SDR16C5: variants seen among roughly 807,000 people sequenced by gnomAD.
SDR16C5 encodes the protein epidermal retinol dehydrogenase 2.
SDR16C5 carries 20 observed loss-of-function variants against 27.7 expected under a neutral mutation model. The observed-to-expected ratio is 0.72, with a 90% confidence interval of 0.51 to 1.05. The LOEUF (loss-of-function observed/expected upper bound fraction) is 1.05, where lower values mean the gene tolerates loss of function less well. SDR16C5 is among the 50% of genes least tolerant of loss of function. SDR16C5 has a pLI of 0.00. For synonymous variants in SDR16C5, 139 were observed against 132.3 expected (o/e 1.05, Z -0.35); for missense variants, 374 against 366.3 (o/e 1.02, Z -0.17).
chr8:56,307,202 A>G (rs1814908330), intron 4 of SDR16C5, among the ~76,000 whole-genome samples: 1 of 152,168 alleles, frequency 6.6e-6, no homozygotes, highest in Non-Finnish European at 1.5e-5. Context: ...GAAATAAAAC[A>G]CTAAGTGATA....
intron 3 of SDR16C5, chr8:56,309,519 C>CAGAA (rs1814971273): frequency 1.0e-6 from 1 of 985,028 alleles, no homozygotes; most frequent in South Asian, 4.7e-5. Flanking sequence ...TTTCGTAAAA[C>CAGAA]AGAATATCTA....
At chr8:56,317,083 G>A (rs1472418088) in intron 1 of SDR16C5, among the ~76,000 whole-genome samples, 1 of 152,164 alleles carries the variant, frequency 6.6e-6, no homozygotes, top group East Asian at 1.9e-4. Flanking sequence ...CACTGCCTCT[G>A]CCTACCTGTG....
chr8:56,315,453 C>T lies in SDR16C5; in HGVS notation c.333+562G>A, dbSNP rs1281620094. ...TGACTACTTAAGAGCAATACACATT[C>T]GAACGTAGGGTACTGTGGTGGAGTG... On this transcript the variant is annotated intron_variant, in intron 2 of 6. Coordinates refer to ENST00000303749, the MANE Select transcript of SDR16C5 (RefSeq NM_138969.4). 2.6e-5 allele frequency among the ~76,000 whole-genome samples: 4 copies of T among 152,218 alleles called. No individual in the cohort carries two copies. The South Asian group carries it at 8.3e-4, about 32-fold the overall frequency.
intron 6 of SDR16C5, among the ~76,000 whole-genome samples, chr8:56,304,475 G>C (rs1243133217): frequency 1.3e-5 from 2 of 151,904 alleles, no homozygotes; most frequent in Non-Finnish European, 2.9e-5. Flanking sequence ...TTCATTCAGT[G>C]CCTATGAATT....
chr8:56,319,684 C>G (rs1815284770), intron 1 of SDR16C5, among the ~76,000 whole-genome samples: 11 of 152,148 alleles, frequency 7.2e-5, no homozygotes. Flanking sequence ...GGGTTGATAT[C>G]CACCCGGAAG....
chr8:56,300,447 A>C lies in SDR16C5; in HGVS notation c.*1033T>G, dbSNP rs933326864. 6.6e-6 allele frequency: 1 copy of C among 152,248 alleles called. No individual in the cohort carries two copies. Among genetic ancestry groups the C allele is most frequent in the African/African-American group, 2.4e-5 (1 of 41,460 alleles). 9.4% of individuals were successfully genotyped at this position (152,248 alleles called of 1,614,324 possible). On this transcript the variant is annotated 3_prime_UTR_variant, in exon 7 of 7. Coordinates refer to ENST00000303749, the MANE Select transcript of SDR16C5 (RefSeq NM_138969.4). ...TTTCTCTTGCAAGGCTGCCCCCACC[A>C]GCCTGAGAAGGAGTTCCAGGGATAT... is the stretch of plus-strand genomic sequence containing the variant.
At chr8:56,313,424 G>C (rs1184216967) in intron 2 of SDR16C5, among the ~76,000 whole-genome samples, 1 of 152,216 alleles carries the variant, frequency 6.6e-6, no homozygotes, top group Non-Finnish European at 1.5e-5. Flanking sequence ...GAAGATCACA[G>C]AGTGTACTTA....
chr8:56,310,182 GGA>G (rs1814997514), intron 3 of SDR16C5, among the ~76,000 whole-genome samples: 35 of 13,010 alleles, frequency 2.7e-3, no homozygotes, highest in African/African-American at 0.01. Flanking sequence ...AGGAGGAGGA[GGA>G]AGGAGGAGGA....
chr8:56,316,885 A>G (rs1487267539), intron 1 of SDR16C5, among the ~76,000 whole-genome samples: 1 of 152,228 alleles, frequency 6.6e-6, no homozygotes, highest in East Asian at 1.9e-4. Context: ...AGGAAAATGT[A>G]AAGTCCTATT....
intron 6 of SDR16C5, among the ~76,000 whole-genome samples, chr8:56,304,639 A>G (rs968683567): frequency 2.0e-5 from 3 of 152,026 alleles, no homozygotes; most frequent in Non-Finnish European, 4.4e-5. Flanking sequence ...CCCTGTTTCA[A>G]GCGATTCTCC....
chr8:56,303,006 A>T (rs1436890540), intron 6 of SDR16C5, among the ~76,000 whole-genome samples: 3 of 146,970 alleles, frequency 2.0e-5, no homozygotes, highest in Admixed American at 1.4e-4. Flanking sequence ...GAGTAAAATT[A>T]AAAAAAAAAC....
chr8:56,318,511 G>A (rs572340336), intron 1 of SDR16C5, among the ~76,000 whole-genome samples: 9 of 152,204 alleles, frequency 5.9e-5, no homozygotes, highest in African/African-American at 2.2e-4. Flanking sequence ...CAGCAGCCTG[G>A]GCGTCGCCAA....
chr8:56,300,336 C>A lies in SDR16C5; in HGVS notation c.*1144G>T, dbSNP rs1814719745. ...TTTACCCCCAAGATAGTCAAATTCT[C>A]AATTCTTTAGACTTTTACCGGGTCT... is the stretch of plus-strand genomic sequence containing the variant. On this transcript the variant is annotated 3_prime_UTR_variant, in exon 7 of 7. Coordinates refer to ENST00000303749, the MANE Select transcript of SDR16C5 (RefSeq NM_138969.4). 2.0e-5 allele frequency: 3 copies of A among 152,072 alleles called. No homozygotes were observed. In the South Asian group the frequency reaches 6.2e-4, roughly 32 times the overall value. 9.4% of individuals were successfully genotyped at this position (152,072 alleles called of 1,614,324 possible). A position where few individuals can be genotyped will look rare whatever the true frequency, so the allele number is the denominator to read the frequency against.
chr8:56,305,678 T>G lies in SDR16C5; in HGVS notation c.755A>C (p.Glu252Ala), dbSNP rs151227475. The G allele has an allele frequency of 0.01, 16,128 of 1,604,942 alleles. 101 individuals carry two copies. The highest frequency in any genetic ancestry group is 0.012 in the Non-Finnish European group (14,640 of 1,177,586). Residue 252 changes from glutamate (E) to alanine (A), a missense_variant, in exon 6 of 7, where the codon GAA becomes GCA. Coordinates refer to ENST00000303749, the MANE Select transcript of SDR16C5 (RefSeq NM_138969.4). ...LPILEPKYAV[E>A]KIVEAILQEK... is the part of the protein sequence containing the mutation. ...TTGTAGAATAGCTTCTACTATTTTT[T>G]CAACTGCATATTTTGGTTCCAGAAT...
chr8:56,305,616 A>C lies in SDR16C5; in HGVS notation c.817T>G (p.Phe273Val). The change falls in exon 6 of 7, where the codon TTC becomes GTC. Residue 273 changes from phenylalanine to valine, a missense_variant. Phe to Val is a conservative substitution (Grantham distance 50, BLOSUM62 -1). Coordinates refer to ENST00000303749, the MANE Select transcript of SDR16C5 (RefSeq NM_138969.4). ...MYLYMPKLLY[F>V]MMFLKSFLPL... Reference sequence around the variant, plus strand: ...AATTACCTTTTAAGAAACATCATGAAGTATAACAACTTTGGCATATACAAG... The same window carrying C: ...AATTACCTTTTAAGAAACATCATGACGTATAACAACTTTGGCATATACAAG... The C allele has an allele frequency of 6.3e-7, 1 of 1,588,280 alleles. No individual in the cohort carries two copies. Among genetic ancestry groups the C allele is most frequent in the Non-Finnish European group, 8.5e-7 (1 of 1,172,760 alleles).
At position 56,305,755 on chromosome 8, in the gene SDR16C5, C is replaced by A. The variant is rs764088050; in HGVS notation, c.711-33G>T. Reference sequence around the variant, plus strand: ...ATAAAATGACAACAATTAAAAAAAACCCTGAAGGCCAAATTCATAAATAAA... The same window carrying A: ...ATAAAATGACAACAATTAAAAAAAAACCTGAAGGCCAAATTCATAAATAAA... On this transcript the variant is annotated intron_variant, in intron 5 of 6. Transcript: ENST00000303749. 7.7e-5 allele frequency: 120 copies of A among 1,557,522 alleles called. No individual in the cohort carries two copies. In the African/African-American group the frequency reaches 1.5e-3, roughly 19 times the overall value.
intron 1 of SDR16C5, among the ~76,000 whole-genome samples, chr8:56,318,409 A>G (rs1213291026): frequency 3.3e-5 from 5 of 152,214 alleles, no homozygotes; most frequent in Admixed American, 3.3e-4. Context: ...GGACTCTCAT[A>G]TCAAATACAT....
intron 1 of SDR16C5, 65 bp from the exon 2 acceptor site, chr8:56,316,426 C>T (rs1002123307): frequency 9.1e-6 from 9 of 991,912 alleles, no homozygotes; most frequent in East Asian, 4.8e-5. Flanking sequence ...GTTTACTCCA[C>T]GGAGCTCCTA....
chr8:56,315,535 C>A (rs1045517708), intron 2 of SDR16C5, among the ~76,000 whole-genome samples: 13 of 152,150 alleles, frequency 8.5e-5, no homozygotes, highest in East Asian at 1.9e-4. Context: ...GCTTCCATCA[C>A]ACACCAGGTC....
Sources: gnomAD v4.1 joint callset for allele counts (sites outside exome capture counted in the v4.1 genomes callset) on GRCh38, gnomAD v4.1.1 for gene constraint, MANE v1.5 for transcripts, NCBI Gene and HGNC (gene_info 2026-07-23, HGNC 2026-07-21) for gene names.